EFR3A: variants seen among roughly 807,000 people sequenced by gnomAD.
EFR3A encodes the protein EFR3 homolog A, also known as protein EFR3 homolog A.
A neutral mutation model predicts 104.4 loss-of-function variants in EFR3A; 76 were observed. The observed-to-expected ratio is 0.73, with a 90% CI of 0.60 to 0.88. EFR3A has a LOEUF of 0.88. Ranked by LOEUF, EFR3A falls within the 40% of genes least tolerant of loss-of-function variation. The pLI, the probability that EFR3A is intolerant of heterozygous loss-of-function variation, is 0.00. For synonymous variants in EFR3A, 330 were observed against 330.0 expected (o/e 1.00, Z 0.00); for missense variants, 985 against 1,012.5 (o/e 0.97, Z 0.37).
At chr8:131,970,135 A>C (rs936825871) in intron 9 of EFR3A, among the ~76,000 whole-genome samples, 6 of 152,230 alleles carry the variant, frequency 3.9e-5, no homozygotes, top group African/African-American at 1.4e-4. Context: ...CAGTTAAGTT[A>C]AATATTGTCC....
chr8:132,002,523 C>A, intron 20 of EFR3A, 80 bp from the exon 21 acceptor site: 1 of 1,153,976 alleles, frequency 8.7e-7, no homozygotes, highest in Non-Finnish European at 1.2e-6. Context: ...GATGATATAT[C>A]ATTAACTCTT....
intron 1 of EFR3A, among the ~76,000 whole-genome samples, chr8:131,917,255 C>T (rs914252440): frequency 1.3e-5 from 2 of 152,250 alleles, no homozygotes; most frequent in African/African-American, 2.4e-5. Context: ...GAGTATCAGT[C>T]AGCTCTTGGA....
At chr8:132,004,553 C>T (rs888320122) in intron 22 of EFR3A, among the ~76,000 whole-genome samples, 1 of 152,182 alleles carries the variant, frequency 6.6e-6, no homozygotes, top group Non-Finnish European at 1.5e-5. Context: ...AAACTGGTCC[C>T]TGGTGCCAAA....
At chr8:131,943,769 C>T (rs1004383676) in intron 2 of EFR3A, among the ~76,000 whole-genome samples, 2 of 151,870 alleles carry the variant, frequency 1.3e-5, no homozygotes, top group Non-Finnish European at 1.5e-5. Context: ...GGCTCAGTTA[C>T]ACCTGGTTAA....
intron 10 of EFR3A, among the ~76,000 whole-genome samples, chr8:131,973,707 T>TA (rs1820189383): frequency 6.6e-6 from 1 of 152,216 alleles, no homozygotes; most frequent in Non-Finnish European, 1.5e-5. Context: ...TTTTGCACTT[T>TA]AAGTTATCAG....
In EFR3A at chr8:132,011,048, G is replaced by A; in HGVS notation, c.*153G>A. ...AAATGTTTGGCATACCATATTAGAA[G>A]TTTTGGAGCTATATATAATTTCGAG... On this transcript the variant is annotated 3_prime_UTR_variant, in exon 23 of 23. Transcript: ENST00000254624. 2 of 1,287,962 alleles carry A rather than the reference G, an allele frequency of 1.6e-6. No homozygotes were observed. Among genetic ancestry groups the A allele is most frequent in the African/African-American group, 2.9e-5 (2 of 67,870 alleles). 79.8% of individuals were successfully genotyped at this position (1,287,962 alleles called of 1,614,324 possible).
At chr8:131,955,288 A>T (rs552303581) in intron 6 of EFR3A, among the ~76,000 whole-genome samples, 2 of 152,250 alleles carry the variant, frequency 1.3e-5, no homozygotes, top group East Asian at 3.9e-4. Flanking sequence ...ATGTTTCAGG[A>T]TATGAACAGA....
At chr8:131,912,143 T>A (rs1248673528) in intron 1 of EFR3A, among the ~76,000 whole-genome samples, 1 of 152,162 alleles carries the variant, frequency 6.6e-6, no homozygotes, top group Non-Finnish European at 1.5e-5. Context: ...TTTTGGAGTA[T>A]GTTTTCTGAG....
intron 8 of EFR3A, among the ~76,000 whole-genome samples, chr8:131,963,337 GA>G (rs1819510133): frequency 1.3e-5 from 2 of 152,020 alleles, no homozygotes; most frequent in South Asian, 4.1e-4. Flanking sequence ...GACTAATACA[GA>G]AGAAAAGAGA....
intron 15 of EFR3A, 34 bp downstream of exon 15, chr8:131,984,334 T>C: frequency 2.0e-6 from 3 of 1,472,946 alleles, no homozygotes; most frequent in East Asian, 2.5e-5. Context: ...GCAGAAAACA[T>C]TTTTTATAAA....
At chr8:131,979,468 G>A (rs993209587) in intron 14 of EFR3A, 47 bp downstream of exon 14, 21 of 1,307,572 alleles carry the variant, frequency 1.6e-5, no homozygotes, top group Middle Eastern at 1.8e-4. Context: ...AATTACAGCC[G>A]TTTGAATTGT....
chr8:131,935,629 GAAAC>G, intron 1 of EFR3A: 1 of 246,778 alleles, frequency 4.1e-6, no homozygotes, highest in Middle Eastern at 6.8e-4. Flanking sequence ...TATAGATTAT[GAAAC>G]AAACTTAATT....
At position 131,926,637 on chromosome 8, in the gene EFR3A, T is replaced by G. The variant is rs776859334; in HGVS notation, c.11-13862T>G. Among the ~76,000 whole-genome samples, 49 of 152,194 alleles carry G rather than the reference T, an allele frequency of 3.2e-4. No individual in the cohort carries two copies. In the Middle Eastern group the frequency reaches 0.01, roughly 32 times the overall value. ...AAAAAAAATTTTGGAGGGTATTTTT[T>G]GAGAAAGGATCTTGCTCTGTTGCTC... is the stretch of plus-strand genomic sequence containing the variant. On this transcript the variant is annotated intron_variant, in intron 1 of 22. Transcript: ENST00000254624.
chr8:131,991,427 G>A (rs1821176917), intron 18 of EFR3A, among the ~76,000 whole-genome samples: 1 of 152,150 alleles, frequency 6.6e-6, no homozygotes, highest in Non-Finnish European at 1.5e-5. Flanking sequence ...TGAATCTGTG[G>A]TGGTAGAAGG....
chr8:131,981,902 T>C (rs1586647278), intron 14 of EFR3A, among the ~76,000 whole-genome samples: 1 of 152,214 alleles, frequency 6.6e-6, no homozygotes, highest in Non-Finnish European at 1.5e-5. Context: ...AGAAAATAGC[T>C]GCCACCACTG....
chr8:132,004,446 G>A (rs947183497), intron 22 of EFR3A, among the ~76,000 whole-genome samples: 25 of 152,156 alleles, frequency 1.6e-4, no homozygotes, highest in African/African-American at 6.0e-4. Context: ...GGTTGCATGC[G>A]CCTTATGGGA....
chr8:131,964,488 T>A (rs543653883), intron 8 of EFR3A, among the ~76,000 whole-genome samples: 2,086 of 151,878 alleles, frequency 0.014, 45 homozygotes, highest in African/African-American at 0.047. Context: ...TCAAAGAGAA[T>A]AAAATACCTA....
rs1822327671 is a variant in EFR3A, at chr8:132,011,204, TG to T, written c.*310del. 1 of 1,027,266 alleles carries T rather than the reference TG, an allele frequency of 9.7e-7. No individual in the cohort carries two copies. Among genetic ancestry groups the T allele is most frequent in the Non-Finnish European group, 1.2e-6 (1 of 855,392 alleles). The allele number at this position is 1,027,266 out of a possible 1,614,324, so 63.6% of individuals were successfully genotyped here. On this transcript the variant is annotated 3_prime_UTR_variant, in exon 23 of 23. Transcript: ENST00000254624. ...TGTTTTAAACTTTTCACAAATGTAA[TG>T]TTTTTTAAAAAGTAAGCCTTCAGAG...
chr8:131,945,300 G>A (rs1355625238), intron 3 of EFR3A, among the ~76,000 whole-genome samples: 4 of 151,790 alleles, frequency 2.6e-5, no homozygotes, highest in Admixed American at 1.3e-4. Context: ...AGAGAGAACC[G>A]TGTTAGGCTT....
Sources: allele counts gnomAD v4.1 joint callset (sites outside exome capture counted in the v4.1 genomes callset), GRCh38; gene constraint gnomAD v4.1.1; transcripts MANE v1.5; gene names NCBI Gene and HGNC (gene_info 2026-07-23, HGNC 2026-07-21).